The following OTOF variants were observed in gnomAD, a reference collection of about 807,000 sequenced individuals.
OTOF encodes fer-1-like family member 2.
Under a neutral mutation model 236.8 loss-of-function variants are expected in OTOF, and 218 were observed. The observed-to-expected ratio is 0.92, with a 90% CI of 0.82 to 1.03. The LOEUF (loss-of-function observed/expected upper bound fraction) is 1.03, where lower values mean the gene tolerates loss of function less well. Among genes scored for constraint, OTOF ranks in the 50% least tolerant of loss-of-function variants. OTOF has a pLI of 0.00. For synonymous variants in OTOF, 1,041 were observed against 1,072.5 expected (o/e 0.97, Z 0.57); for missense variants, 2,590 against 2,694.4 (o/e 0.96, Z 0.86).
At chr2:26,466,490 C>G (rs1360132976) in intron 36 of OTOF, among the ~76,000 whole-genome samples, 1 of 152,208 alleles carries the variant, frequency 6.6e-6, no homozygotes, top group African/African-American at 2.4e-5. Context: ...GTGCGTGGCA[C>G]TGTGCCTGGC....
At chr2:26,556,607 C>T (rs1001010247) in intron 1 of OTOF, among the ~76,000 whole-genome samples, 1 of 152,142 alleles carries the variant, frequency 6.6e-6, no homozygotes, top group Non-Finnish European at 1.5e-5. Flanking sequence ...CCCTTCACTG[C>T]TCCAAGGAGA....
chr2:26,489,249 G>C lies in OTOF; in HGVS notation c.1007C>G (p.Ser336Cys). ...CACGGTTCCCACGTCCATTTTGAAGGAGCCCACCAGGGTGCCACTGCGCAG... is the reference window on the plus strand; with the variant it reads ...CACGGTTCCCACGTCCATTTTGAAGCAGCCCACCAGGGTGCCACTGCGCAG... ...NLLRSGTLVG[S>C]FKMDVGTVYS... Residue 336 changes from serine (S) to cysteine (C), a missense_variant, in exon 11 of 47, where the codon TCC (serine) becomes TGC (cysteine). Ser to Cys is a moderately radical substitution (Grantham distance 112, BLOSUM62 -1). Coordinates refer to ENST00000272371, the MANE Select transcript of OTOF (RefSeq NM_194248.3). The C allele has an allele frequency of 5.0e-6, 8 of 1,613,082 alleles. No individual in the cohort carries two copies. The highest frequency in any genetic ancestry group is 6.8e-6 in the Non-Finnish European group (8 of 1,179,842).
At chr2:26,472,351 T>G in intron 30 of OTOF, 168 bp downstream of exon 30, 1 of 801,344 alleles carries the variant, frequency 1.2e-6, no homozygotes, top group Admixed American at 1.9e-5. Context: ...CAGGATAGTA[T>G]TAGGAGGGAG....
At chr2:26,534,047 G>A (rs796240831) in intron 2 of OTOF, among the ~76,000 whole-genome samples, 21 of 152,216 alleles carry the variant, frequency 1.4e-4, no homozygotes, top group African/African-American at 4.8e-4. Context: ...TTGAGGGCAG[G>A]GCTGAGTCTT....
At position 26,461,560 on chromosome 2, in the gene OTOF, A is replaced by C; in HGVS notation, c.5533+136T>G. ...GTCCTTGGGGGCGGAACCCCGTCGG[A>C]CACCCCTGGCTCTGATGGACTGGAA... On this transcript the variant is annotated intron_variant, in intron 43 of 46. Coordinates refer to ENST00000272371, the MANE Select transcript of OTOF (RefSeq NM_194248.3). The surrounding 1 kb of genome is among the most constrained non-coding windows in gnomAD (Gnocchi z 6.2). 8.1e-7 allele frequency: 1 copy of C among 1,235,346 alleles called. No individual in the cohort carries two copies. Among genetic ancestry groups the C allele is most frequent in the Non-Finnish European group, 1.1e-6 (1 of 870,698 alleles). 76.5% of individuals were successfully genotyped at this position (1,235,346 alleles called of 1,614,324 possible).
intron 2 of OTOF, among the ~76,000 whole-genome samples, chr2:26,529,830 AG>A (rs1558517847): frequency 7.6e-6 from 1 of 131,300 alleles, no homozygotes; most frequent in Admixed American, 8.1e-5. Flanking sequence ...AGCAGGGCCT[AG>A]GGAGGGCTTC....
chr2:26,522,109 G>C (rs778899479), intron 3 of OTOF, among the ~76,000 whole-genome samples: 1 of 152,166 alleles, frequency 6.6e-6, no homozygotes, highest in Non-Finnish European at 1.5e-5. Context: ...GGACTGGGAC[G>C]CTAGGAGCTT....
chr2:26,539,358 A>G (rs1667155636), intron 1 of OTOF, among the ~76,000 whole-genome samples: 1 of 151,998 alleles, frequency 6.6e-6, no homozygotes, highest in Admixed American at 6.6e-5. Flanking sequence ...GTATATTAGA[A>G]CTCCATTAAT....
intron 1 of OTOF, among the ~76,000 whole-genome samples, chr2:26,554,631 G>A (rs1044307077): frequency 3.9e-5 from 6 of 152,138 alleles, no homozygotes; most frequent in African/African-American, 9.7e-5. Context: ...CAGAATTAAT[G>A]GGCGTTCTCA....
rs569832340 is a variant in OTOF, at chr2:26,459,408, C to T, written c.*17+600G>A. 1.3e-3 allele frequency among the ~76,000 whole-genome samples: 191 copies of T among 152,074 alleles called. 5 individuals carry two copies. In the South Asian group the frequency reaches 0.04, roughly 32 times the overall value. On this transcript the variant is annotated intron_variant, in intron 46 of 46. Transcript: ENST00000272371. ...TCTACTAAAAATACAAAAAATTATC[C>T]AGGCGTGGTGGCGGGTGCCTGTAGT...
At chr2:26,505,769 T>C (rs1345940364) in intron 5 of OTOF, among the ~76,000 whole-genome samples, 2 of 152,216 alleles carry the variant, frequency 1.3e-5, no homozygotes, top group Non-Finnish European at 2.9e-5. Flanking sequence ...TCCTGACCAT[T>C]TGGGATTTTA....
intron 30 of OTOF, chr2:26,472,304 A>T (rs1231724801): frequency 1.6e-6 from 1 of 620,254 alleles, no homozygotes; most frequent in South Asian, 1.8e-5. Context: ...GCGCACACAC[A>T]TGCACATTTA....
chr2:26,468,843 A>G (rs963679230), intron 32 of OTOF, among the ~76,000 whole-genome samples: 5 of 152,176 alleles, frequency 3.3e-5, no homozygotes, highest in African/African-American at 9.7e-5. Context: ...ATGGGAGGGA[A>G]CTGAACAATG....
chr2:26,466,686 C>T, intron 36 of OTOF, 28 bp downstream of exon 36: 1 of 1,613,826 alleles, frequency 6.2e-7, no homozygotes, highest in South Asian at 1.1e-5. Flanking sequence ...AGGAGACTTG[C>T]AAGGAGGGAA....
At chr2:26,510,679 C>G (rs371774023) in intron 5 of OTOF, 1 of 1,282,890 alleles carries the variant, frequency 7.8e-7, no homozygotes, top group South Asian at 1.2e-5. Flanking sequence ...GACGCTGTTG[C>G]GTCTGCCCTC....
At chr2:26,521,683 T>C (rs1053175678) in intron 3 of OTOF, among the ~76,000 whole-genome samples, 1 of 152,218 alleles carries the variant, frequency 6.6e-6, no homozygotes, top group Admixed American at 6.5e-5. Flanking sequence ...CTACTCTTCC[T>C]ACCCTGGTCC....
chr2:26,463,100 G>A (rs548510627), intron 41 of OTOF, among the ~76,000 whole-genome samples: 1 of 152,248 alleles, frequency 6.6e-6, no homozygotes, highest in Non-Finnish European at 1.5e-5. Context: ...GAAGGAGTGC[G>A]TCAGTGTGGG....
chr2:26,504,774 C>A (rs749230275), intron 5 of OTOF, among the ~76,000 whole-genome samples: 1 of 152,178 alleles, frequency 6.6e-6, no homozygotes, highest in Non-Finnish European at 1.5e-5. Flanking sequence ...GTGCAGTGTT[C>A]CATTACCCCA....
At chr2:26,517,653 T>C (rs10197812) in intron 4 of OTOF, among the ~76,000 whole-genome samples, 144,055 of 152,150 alleles carry the variant, frequency 0.95, 68,717 homozygotes, top group East Asian at 1. Flanking sequence ...GGGAAAATGG[T>C]GGTCTCTGGC....
Sources: gnomAD v4.1 joint callset for allele counts (sites outside exome capture counted in the v4.1 genomes callset) on GRCh38, gnomAD v4.1.1 for gene constraint, Gnocchi (gnomAD v3.1) non-coding constraint, MANE v1.5 for transcripts, NCBI Gene and HGNC (gene_info 2026-07-23, HGNC 2026-07-21) for gene names.